Variants in TNS2 observed in about 807,000 individuals in gnomAD.
TNS2 encodes tensin 2, also known as tensin-2.
A neutral mutation model predicts 155.7 loss-of-function variants in TNS2; 77 were observed. That is an observed-to-expected ratio of 0.49 (90% confidence interval 0.41 to 0.60). The LOEUF (loss-of-function observed/expected upper bound fraction) is 0.60, where lower values mean the gene tolerates loss of function less well. Ranked by LOEUF, TNS2 falls within the 20% of genes least tolerant of loss-of-function variation. TNS2 has a pLI of 0.00. For synonymous variants in TNS2, 726 were observed against 763.9 expected (o/e 0.95, Z 0.82); for missense variants, 1,703 against 1,868.8 (o/e 0.91, Z 1.64).
At position 53,055,768 on chromosome 12, in the gene TNS2, C is replaced by G. The variant is rs757646580; in HGVS notation, c.697-13C>G. On this transcript the variant is annotated splice_polypyrimidine_tract_variant and intron_variant, in intron 9 of 28. Coordinates refer to ENST00000314250, the MANE Select transcript of TNS2 (RefSeq NM_170754.4). ...AGCTCCCAGACCCTCATCCCTGTCT[C>G]TCTGTCTGTCAGGGAAACAAGGGCA... 2 of 1,614,206 alleles carry G rather than the reference C, an allele frequency of 1.2e-6. No individual in the cohort carries two copies. Among genetic ancestry groups the G allele is most frequent in the Non-Finnish European group, 1.7e-6 (2 of 1,180,028 alleles).
Position 53,055,361 on chromosome 12 carries a change from C to T in TNS2, c.573+125C>T. ...CACTCTTAAGCACTTTCCCACTCTC[C>T]CATGATATATTACTGGAGACACCCC... On this transcript the variant is annotated intron_variant, in intron 8 of 28. Transcript: ENST00000314250. 4 of 1,212,532 alleles carry T rather than the reference C, an allele frequency of 3.3e-6. No individual in the cohort carries two copies. In the South Asian group the frequency reaches 4.1e-5, roughly 12 times the overall value. The allele number at this position is 1,212,532 out of a possible 1,614,324, so 75.1% of individuals were successfully genotyped here.
Position 53,055,555 on chromosome 12 carries a change from G to T in TNS2, c.574-13G>T. On this transcript the variant is annotated splice_polypyrimidine_tract_variant and intron_variant, in intron 8 of 28. Transcript: ENST00000314250. ...GGCCCCCGGCCCCAGTTGCACCCCT[G>T]CATTCTCCCCAGGTTCAAGACTTCG... 6.3e-7 allele frequency: 1 copy of T among 1,592,078 alleles called. No homozygotes were observed. Among genetic ancestry groups the T allele is most frequent in the Non-Finnish European group, 8.6e-7 (1 of 1,165,546 alleles).
At position 53,063,434 on chromosome 12, in the gene TNS2, A is replaced by T. The variant is rs907417019; in HGVS notation, c.4061+17A>T. The T allele has an allele frequency of 6.2e-7, 1 of 1,613,178 alleles. No individual in the cohort carries two copies. The highest frequency in any genetic ancestry group is 1.3e-5 in the African/African-American group (1 of 74,796). On this transcript the variant is annotated intron_variant, in intron 27 of 28. Transcript: ENST00000314250. The surrounding 1 kb of genome is among the most constrained non-coding windows in gnomAD (Gnocchi z 5.6). ...AGACCGGAGGTGACTCTCCCTCCAA[A>T]CCCTTTGCCCCAAATCCCCATGGTC...
In TNS2 at chr12:53,062,656, C is replaced by G; in HGVS notation, c.3782C>G (p.Thr1261Ser). Residue 1261 changes from threonine to serine, a missense_variant, in exon 25 of 29, where the codon ACC becomes AGC. Thr to Ser is a moderately conservative substitution (Grantham distance 58). Transcript: ENST00000314250. ...LEETPEAPVP[T>S]NMSTAADLLR... ...GAGACCCCAGAGGCTCCAGTGCCCACCAACATGAGCACAGCGGCAGACCTC... is the reference window on the plus strand; with the variant it reads ...GAGACCCCAGAGGCTCCAGTGCCCAGCAACATGAGCACAGCGGCAGACCTC... 2 of 1,614,044 alleles carry G rather than the reference C, an allele frequency of 1.2e-6. No individual in the cohort carries two copies. Among genetic ancestry groups the G allele is most frequent in the Admixed American group, 1.7e-5 (1 of 60,018 alleles).
chr12:53,058,571 G>A lies in TNS2; in HGVS notation c.1226-1G>A. 6.2e-7 allele frequency: 1 copy of A among 1,614,132 alleles called. No individual in the cohort carries two copies. Among genetic ancestry groups the A allele is most frequent in the Non-Finnish European group, 8.5e-7 (1 of 1,180,012 alleles). On this transcript the variant is annotated splice_acceptor_variant, in intron 15 of 28. Coordinates refer to ENST00000314250, the MANE Select transcript of TNS2 (RefSeq NM_170754.4). LOFTEE classifies it high-confidence loss of function. ...GGTTCTTCACTGTCCACTCCCCATA[G>A]ATGAGAGGTTCCCCTTCCAAGCCTC...
In TNS2 at chr12:53,053,395, C is replaced by T. The variant is rs1944013776; in HGVS notation, c.223-16C>T. The T allele has an allele frequency of 6.2e-7, 1 of 1,614,008 alleles. No homozygotes were observed. The highest frequency in any genetic ancestry group is 8.5e-7 in the Non-Finnish European group (1 of 1,179,922). ...CCTTCACCAGGAGCTCAGTTCCTTA[C>T]TCGGTCCCCTTCCAGGTGACTTCAG... On this transcript the variant is annotated splice_polypyrimidine_tract_variant and intron_variant, in intron 3 of 28. Coordinates refer to ENST00000314250, the MANE Select transcript of TNS2 (RefSeq NM_170754.4).
chr12:53,054,514 A>G, intron 7 of TNS2, 73 bp downstream of exon 7: 7 of 1,279,664 alleles, frequency 5.5e-6, no homozygotes, highest in Non-Finnish European at 6.0e-6. Flanking sequence ...CTAATCACTG[A>G]CGTCACCAGC....
rs201129709 is a variant in TNS2, at chr12:53,063,360, G to A, written c.4004G>A (p.Arg1335His). 2.0e-5 allele frequency: 32 copies of A among 1,613,726 alleles called. No homozygotes were observed. In the Admixed American group the frequency reaches 2.8e-4, roughly 14 times the overall value. ...CCTCCTCCTTGCAGGCTCTTCTTTC[G>A]CCGCCATTATCCAGTGAACAGCATC... ...LTDNQRKLFF[R>H]RHYPVNSITF... The change falls in exon 27 of 29, where the codon CGC becomes CAC. Residue 1335 changes from arginine to histidine, a missense_variant. Transcript: ENST00000314250. The surrounding 1 kb of genome is among the most constrained non-coding windows in gnomAD (Gnocchi z 5.6).
chr12:53,051,668 A>T (rs542847400), intron 1 of TNS2, among the ~76,000 whole-genome samples, 187 bp from the exon 2 acceptor site: 3 of 152,340 alleles, frequency 2.0e-5, no homozygotes, highest in African/African-American at 7.2e-5. Context: ...GTCAGATTCC[A>T]TGCACAGTTG....
At position 53,053,424 on chromosome 12, in the gene TNS2, G is replaced by A. The variant is rs1944015263; in HGVS notation, c.236G>A (p.Cys79Tyr). The A allele has an allele frequency of 6.2e-7, 1 of 1,613,950 alleles. No homozygotes were observed. Among genetic ancestry groups the A allele is most frequent in the African/African-American group, 1.3e-5 (1 of 74,892 alleles). Residue 79 changes from cysteine (C) to tyrosine (Y), a missense_variant, in exon 4 of 29, where the codon TGT becomes TAT. By Grantham distance (194) the Cys-to-Tyr change is radical (BLOSUM62 -2). Coordinates refer to ENST00000314250, the MANE Select transcript of TNS2 (RefSeq NM_170754.4). ...GTCCCCTTCCAGGTGACTTCAGCCT[G>A]TCAGGCCTTGCCTCCCGTGGAGTTG... ...RKCEAKVTSA[C>Y]QALPPVELRR... is the part of the protein sequence containing the mutation.
At chr12:53,056,474 C>T (rs555002786) in intron 10 of TNS2, 3 of 154,228 alleles carry the variant, frequency 1.9e-5, no homozygotes, top group African/African-American at 4.8e-5. Context: ...ATCTGAGACT[C>T]GGGATGGAAT....
chr12:53,058,688 C>T (rs2121133526), intron 16 of TNS2, 26 bp from the exon 17 acceptor site: 2 of 1,613,984 alleles, frequency 1.2e-6, no homozygotes, highest in East Asian at 4.5e-5. Context: ...TCCCCTGCTC[C>T]CCAATACCCG....
rs749760389 is a variant in TNS2 at position 53,063,263 on chromosome 12, T to G, written c.3992+6T>G. ...CTGACGGACAACCAAAGGAAGTATG[T>G]ATACTCAGCCCTGTAGAACCCCATG... On this transcript the variant is annotated splice_donor_region_variant and intron_variant, in intron 26 of 28. Transcript: ENST00000314250. This position sits in a 1 kb window ranked among gnomAD's most constrained non-coding sequence, Gnocchi z 5.6. 1 of 1,613,590 alleles carries G rather than the reference T, an allele frequency of 6.2e-7. No homozygotes were observed. Among genetic ancestry groups the G allele is most frequent in the Non-Finnish European group, 8.5e-7 (1 of 1,179,786 alleles).
At chr12:53,062,982 A>T (rs1592260573) in intron 25 of TNS2, 107 bp from the exon 26 acceptor site, 2 of 1,391,908 alleles carry the variant, frequency 1.4e-6, no homozygotes, top group Non-Finnish European at 1.9e-6. Context: ...CAAGTCACCT[A>T]TGTGATTGTA....
At chr12:53,047,310 C>T (rs948625611), upstream of TNS2, among the ~76,000 whole-genome samples, 62 of 145,018 alleles carry the variant, frequency 4.3e-4, no homozygotes, top group African/African-American at 1.5e-3. Context: ...TGGGCTGGCC[C>T]GGCGGCTCCC....
In TNS2 at chr12:53,064,119, G is replaced by A; in HGVS notation, c.*237G>A. The A allele has an allele frequency of 2.0e-6, 1 of 512,340 alleles. No homozygotes were observed. The allele number at this position is 512,340 out of a possible 1,614,324, so 31.7% of individuals were successfully genotyped here. A position where few individuals can be genotyped will look rare whatever the true frequency, so the allele number is the denominator to read the frequency against. On this transcript the variant is annotated 3_prime_UTR_variant, in exon 29 of 29. Transcript: ENST00000314250. Reference sequence around the variant, plus strand: ...GAGCAGATGGCAGAGATGGGTGTGTGAGGGGTGAGGAGGCATCAGCAGTTG... The same window carrying A: ...GAGCAGATGGCAGAGATGGGTGTGTAAGGGGTGAGGAGGCATCAGCAGTTG...
rs1216249323 is a variant in TNS2, at chr12:53,059,283, T to C, written c.1642T>C (p.Cys548Arg). 3 of 1,484,530 alleles carry C rather than the reference T, an allele frequency of 2.0e-6. No individual in the cohort carries two copies. The highest frequency in any genetic ancestry group is 1.4e-5 in the African/African-American group (1 of 70,040). 92.0% of individuals were successfully genotyped at this position (1,484,530 alleles called of 1,614,324 possible). The stretch of plus-strand genomic sequence containing the variant: ...GGAGCTGGATCGCCTCCTAGGAGGC[T>C]GCGGAGTGGCCAGTGGGGGCCGGGG... ...RQELDRLLGG[C>R]GVASGGRGAG... is the part of the protein sequence containing the mutation. Residue 548 changes from cysteine (C) to arginine (R), a missense_variant, in exon 18 of 29, where the codon TGC (cysteine) becomes CGC (arginine). Transcript: ENST00000314250. The surrounding 1 kb of genome is among the most constrained non-coding windows in gnomAD (Gnocchi z 4.7).
chr12:53,047,675 C>G (rs1304813170), upstream of TNS2, among the ~76,000 whole-genome samples: 1 of 152,016 alleles, frequency 6.6e-6, no homozygotes, highest in East Asian at 1.9e-4. Context: ...AGGCCCGGGA[C>G]CCGGCAGCAG....
intron 8 of TNS2, 134 bp from the exon 9 acceptor site, chr12:53,055,433 TG>T (rs1944113075): frequency 8.0e-7 from 1 of 1,246,264 alleles, no homozygotes. Flanking sequence ...ATAAGGAAAG[TG>T]CCGAGGCTAT....
Sources: gnomAD v4.1 joint callset for allele counts (sites outside exome capture counted in the v4.1 genomes callset) on GRCh38, gnomAD v4.1.1 for gene constraint, Gnocchi (gnomAD v3.1) non-coding constraint, MANE v1.5 for transcripts, NCBI Gene and HGNC (gene_info 2026-07-23, HGNC 2026-07-21) for gene names.